The following PTCHD4 variants were observed in gnomAD, a reference collection of about 807,000 sequenced individuals.
PTCHD4 encodes the protein patched domain containing 4, also known as patched domain-containing protein 4.
A neutral mutation model predicts 58.1 loss-of-function variants in PTCHD4; 33 were observed. That is an observed-to-expected ratio of 0.57 (90% CI 0.43 to 0.76). The LOEUF is 0.76. Among genes scored for constraint, PTCHD4 ranks in the 30% least tolerant of loss-of-function variants. The pLI, the probability that PTCHD4 is intolerant of heterozygous loss-of-function variation, is 0.00. For synonymous variants in PTCHD4, 478 were observed against 409.6 expected, an observed-to-expected ratio of 1.17 and a Z score of -2.02; for missense variants, 1,058 against 1,027.1, an observed-to-expected ratio of 1.03 and a Z score of -0.41.
At chr6:47,981,427 T>C (rs1767878836) in intron 4 of PTCHD4, among the ~76,000 whole-genome samples, 1 of 152,150 alleles carries the variant, frequency 6.6e-6, no homozygotes, top group East Asian at 1.9e-4. Context: ...TGCTGTCTCT[T>C]CAGTTTTTCT....
At chr6:48,110,649 A>G (rs947696228) in intron 1 of PTCHD4, among the ~76,000 whole-genome samples, 1 of 151,374 alleles carries the variant, frequency 6.6e-6, no homozygotes, top group Non-Finnish European at 1.5e-5. Flanking sequence ...ACACACACAC[A>G]CACACACACA....
chr6:48,094,905 A>C (rs1765432054), intron 1 of PTCHD4, among the ~76,000 whole-genome samples: 1 of 152,236 alleles, frequency 6.6e-6, no homozygotes, highest in African/African-American at 2.4e-5. Flanking sequence ...CCAAACAATA[A>C]GAGTACATAC....
intron 4 of PTCHD4, among the ~76,000 whole-genome samples, chr6:47,974,478 C>T (rs1176498622): frequency 1.3e-5 from 2 of 152,112 alleles, no homozygotes; most frequent in Non-Finnish European, 2.9e-5. Context: ...ATTTCTCAAC[C>T]TTAACAATAC....
At chr6:48,045,723 G>A (rs955200531) in intron 3 of PTCHD4, among the ~76,000 whole-genome samples, 4 of 151,176 alleles carry the variant, frequency 2.6e-5, no homozygotes, top group African/African-American at 4.9e-5. Context: ...CAGCTATAAA[G>A]TAACAAGGCC....
intron 4 of PTCHD4, among the ~76,000 whole-genome samples, chr6:47,923,282 A>T (rs181173862): frequency 7.8e-4 from 119 of 152,276 alleles, no homozygotes; most frequent in African/African-American, 2.8e-3. Context: ...CATTTTCTTT[A>T]CAGGCTTTCT....
intron 4 of PTCHD4, among the ~76,000 whole-genome samples, chr6:47,925,397 T>C (rs1765575336): frequency 6.6e-6 from 1 of 152,206 alleles, no homozygotes; most frequent in South Asian, 2.1e-4. Context: ...TTTGTTATGG[T>C]GACTATCTGC....
chr6:48,059,929 C>T (rs1376619440), intron 3 of PTCHD4, among the ~76,000 whole-genome samples: 1 of 152,148 alleles, frequency 6.6e-6, no homozygotes, highest in Non-Finnish European at 1.5e-5. Context: ...CTCACAGTCA[C>T]TTTCTCAAGA....
chr6:47,941,133 G>C (rs1323957386), intron 4 of PTCHD4, among the ~76,000 whole-genome samples: 2 of 152,158 alleles, frequency 1.3e-5, no homozygotes, highest in Non-Finnish European at 2.9e-5. Flanking sequence ...GTACACATGG[G>C]AACTACATTT....
rs190407235 is a variant in PTCHD4, at chr6:47,891,383, C to A, written c.899-11447G>T. On this transcript the variant is annotated intron_variant, in intron 4 of 4. Transcript: ENST00000339488. Reference sequence around the variant, plus strand: ...GACAACCTCGCAAAACAGCATCAGACAAGGCCATTCTGTGACCGGCATGAA... The same window carrying A: ...GACAACCTCGCAAAACAGCATCAGAAAAGGCCATTCTGTGACCGGCATGAA... Among the ~76,000 whole-genome samples the A allele has an allele frequency of 4.2e-3, 632 of 152,052 alleles. 10 individuals are homozygous for A. Among genetic ancestry groups the A allele is most frequent in the African/African-American group, 0.015 (602 of 41,468 alleles).
At chr6:48,004,211 A>G (rs1024814784) in intron 4 of PTCHD4, among the ~76,000 whole-genome samples, 2 of 152,192 alleles carry the variant, frequency 1.3e-5, no homozygotes, top group Non-Finnish European at 2.9e-5. Context: ...AATTTAAATG[A>G]GTCTCAGTTT....
At chr6:48,053,118 T>C (rs761655935) in intron 3 of PTCHD4, among the ~76,000 whole-genome samples, 2 of 152,098 alleles carry the variant, frequency 1.3e-5, no homozygotes, top group African/African-American at 2.4e-5. Flanking sequence ...GATCCTTATA[T>C]GAATGAATGA....
At chr6:47,988,627 G>C (rs936213882) in intron 4 of PTCHD4, among the ~76,000 whole-genome samples, 1 of 152,144 alleles carries the variant, frequency 6.6e-6, no homozygotes, top group Non-Finnish European at 1.5e-5. Flanking sequence ...TCTTGTGGTA[G>C]TGAATAGGTC....
rs1443841767 is a variant in PTCHD4, at chr6:47,858,631, C to T, written c.*19672G>A. 4.6e-5 allele frequency among the ~76,000 whole-genome samples: 7 copies of T among 152,048 alleles called. No individual in the cohort carries two copies. The East Asian group carries it at 1.4e-3, about 29-fold the overall frequency. ...AGATTCTAATAAGGATAAACTAAGG[C>T]ATAAAACAAAGAGCAATAAGAAATC... is the stretch of plus-strand genomic sequence containing the variant. On this transcript the variant is annotated 3_prime_UTR_variant, in exon 5 of 5. Transcript: ENST00000339488.
intron 4 of PTCHD4, among the ~76,000 whole-genome samples, chr6:47,993,913 G>A (rs1345444822): frequency 2.6e-5 from 4 of 152,156 alleles, no homozygotes; most frequent in Non-Finnish European, 5.9e-5. Flanking sequence ...AAAGTACATT[G>A]AGGTACTCAG....
At chr6:47,937,830 A>T (rs1347067713) in intron 4 of PTCHD4, among the ~76,000 whole-genome samples, 1 of 152,168 alleles carries the variant, frequency 6.6e-6, no homozygotes, top group East Asian at 1.9e-4. Context: ...TTGGAATAAA[A>T]CCAAGAAGGA....
chr6:48,091,553 C>T (rs898361622), intron 1 of PTCHD4, among the ~76,000 whole-genome samples: 1 of 152,140 alleles, frequency 6.6e-6, no homozygotes, highest in Non-Finnish European at 1.5e-5. Flanking sequence ...TTGGACCACA[C>T]CCAAGGTCTA....
intron 4 of PTCHD4, among the ~76,000 whole-genome samples, chr6:48,002,754 T>TATAATAATAATA (rs139742079): frequency 1.1e-4 from 16 of 149,480 alleles, no homozygotes; most frequent in East Asian, 2.0e-4. Context: ...AAACTTAAAG[T>TATAATAATAATA]ATAATAATAA....
In PTCHD4 at chr6:47,861,131, T is replaced by C. The variant is rs1763415866; in HGVS notation, c.*17172A>G. 6.6e-6 allele frequency among the ~76,000 whole-genome samples: 1 copy of C among 151,930 alleles called. No individual in the cohort carries two copies. The highest frequency in any genetic ancestry group is 2.4e-5 in the African/African-American group (1 of 41,416). On this transcript the variant is annotated 3_prime_UTR_variant, in exon 5 of 5. Transcript: ENST00000339488. ...GAACTTGGCGTGAAGAAGGGCAAGA[T>C]TGTTTTTCTCCATCTGTAGATGAAT... is the stretch of plus-strand genomic sequence containing the variant.
At chr6:47,944,781 C>G (rs1168121521) in intron 4 of PTCHD4, among the ~76,000 whole-genome samples, 1 of 152,024 alleles carries the variant, frequency 6.6e-6, no homozygotes, top group Non-Finnish European at 1.5e-5. Flanking sequence ...CTACTCTTTG[C>G]CAAACACTGA....
Sources: gnomAD v4.1 joint callset for allele counts (sites outside exome capture counted in the v4.1 genomes callset) on GRCh38, gnomAD v4.1.1 for gene constraint, MANE v1.5 for transcripts, NCBI Gene and HGNC (gene_info 2026-07-23, HGNC 2026-07-21) for gene names.